Variants in PGS1 observed in about 807,000 individuals in gnomAD.
PGS1 encodes the protein phosphatidylglycerophosphate synthase 1.
PGS1 carries 44 observed loss-of-function variants against 58.3 expected under a neutral mutation model. The ratio of observed to expected loss-of-function variants is 0.75; its 90% CI spans 0.59 to 0.97. The LOEUF is 0.97. Ranked by LOEUF, PGS1 falls within the 50% of genes least tolerant of loss-of-function variation. The probability of loss-of-function intolerance (pLI) is 0.00; values close to 1 mark genes in which losing one functional copy is unlikely to be tolerated. For synonymous variants in PGS1, 330 were observed against 311.0 expected (o/e 1.06, Z -0.64); for missense variants, 684 against 731.1 (o/e 0.94, Z 0.74).
At chr17:78,387,571 T>C (rs570856502) in intron 1 of PGS1, among the ~76,000 whole-genome samples, 1 of 151,188 alleles carries the variant, frequency 6.6e-6, no homozygotes, top group East Asian at 1.9e-4. Flanking sequence ...AGTGTTGGGA[T>C]TACAGGTGTG....
At chr17:78,419,228 C>T (rs947710225) in intron 8 of PGS1, among the ~76,000 whole-genome samples, 1 of 152,176 alleles carries the variant, frequency 6.6e-6, no homozygotes, top group Non-Finnish European at 1.5e-5. Context: ...CCAGGGTGGC[C>T]TCAGACTCCT....
chr17:78,379,872 T>C (rs2081914064), intron 1 of PGS1, among the ~76,000 whole-genome samples: 1 of 146,822 alleles, frequency 6.8e-6, no homozygotes, highest in Non-Finnish European at 1.5e-5. Context: ...TTTCTTTTCT[T>C]TTCTTTTTTT....
intron 7 of PGS1, among the ~76,000 whole-genome samples, chr17:78,412,034 G>A (rs753464618): frequency 1.6e-4 from 23 of 145,100 alleles, no homozygotes; most frequent in Non-Finnish European, 2.2e-4. Flanking sequence ...CCCTTCTCCC[G>A]TTGGAAACTT....
chr17:78,414,619 A>G (rs981016483), intron 7 of PGS1, among the ~76,000 whole-genome samples: 3 of 152,094 alleles, frequency 2.0e-5, no homozygotes, highest in Admixed American at 6.5e-5. Context: ...TTGGGACACA[A>G]GGCCACAGTG....
intron 8 of PGS1, among the ~76,000 whole-genome samples, chr17:78,418,356 T>C (rs1195313225): frequency 1.3e-5 from 2 of 152,188 alleles, no homozygotes; most frequent in South Asian, 2.1e-4. Flanking sequence ...ATTGTGATGA[T>C]TGGCCGCCTG....
chr17:78,381,682 C>T (rs548219992), intron 1 of PGS1, among the ~76,000 whole-genome samples: 24 of 152,266 alleles, frequency 1.6e-4, no homozygotes, highest in African/African-American at 5.8e-4. Context: ...TAGGTTTTAG[C>T]TTGTCGATCT....
In PGS1 at chr17:78,400,955, C is replaced by A; in HGVS notation, c.880+100C>A. 1 of 1,020,948 alleles carries A rather than the reference C, an allele frequency of 9.8e-7. No homozygotes were observed. The highest frequency in any genetic ancestry group is 1.4e-6 in the Non-Finnish European group (1 of 714,868). 63.2% of individuals were successfully genotyped at this position (1,020,948 alleles called of 1,614,324 possible). A position where few individuals can be genotyped will look rare whatever the true frequency, so the allele number is the denominator to read the frequency against. On this transcript the variant is annotated intron_variant, in intron 6 of 9. Transcript: ENST00000262764. This position sits in a 1 kb window ranked among gnomAD's most constrained non-coding sequence, Gnocchi z 4.4. ...GTGGTTCTGCCACAGGCATAGGGGA[C>A]TTGGGTGGCAAGGCTTCATTCTGCT...
At chr17:78,409,339 C>T (rs1003121778) in intron 7 of PGS1, among the ~76,000 whole-genome samples, 8 of 152,228 alleles carry the variant, frequency 5.3e-5, no homozygotes, top group East Asian at 1.9e-4. Flanking sequence ...GTGGCTAGGG[C>T]GGAGCAGGTG....
chr17:78,389,053 CTTTT>C (rs5822252), intron 1 of PGS1, among the ~76,000 whole-genome samples: 3 of 95,998 alleles, frequency 3.1e-5, no homozygotes, highest in African/African-American at 8.6e-5. Context: ...CCTCTTCTTC[CTTTT>C]TTTTTTTTTT....
chr17:78,403,827 A>T lies in PGS1; in HGVS notation c.1140A>T (p.Ala380=). The stretch of plus-strand genomic sequence containing the variant: ...TGTTGACTGAGGCGGAGCGCGGGGC[A>T]AAGGTCTACCTCACCACTGGCTATT... ...ETLLTEAERG[A]KVYLTTGYFN... The change falls in exon 7 of 10, where the codon GCA becomes GCT. Residue 380 remains alanine (A), a synonymous_variant. Coordinates refer to ENST00000262764, the MANE Select transcript of PGS1 (RefSeq NM_024419.5). 1 of 1,614,226 alleles carries T rather than the reference A, an allele frequency of 6.2e-7. No homozygotes were observed. Among genetic ancestry groups the T allele is most frequent in the East Asian group, 2.2e-5 (1 of 44,888 alleles).
In PGS1 at chr17:78,403,671, C is replaced by T; in HGVS notation, c.984C>T (p.Ser328=). ...QQMLHAQTFH[S]NSLLTQEDAA... Reference sequence around the variant, plus strand: ...TGCTGCATGCCCAGACCTTCCACAGCAACTCTCTTTTGACCCAGGAAGATG... The same window carrying T: ...TGCTGCATGCCCAGACCTTCCACAGTAACTCTCTTTTGACCCAGGAAGATG... Residue 328 remains serine (S), a synonymous_variant, in exon 7 of 10, where the codon AGC becomes AGT. Transcript: ENST00000262764. 6.2e-7 allele frequency: 1 copy of T among 1,614,238 alleles called. No homozygotes were observed. The highest frequency in any genetic ancestry group is 8.5e-7 in the Non-Finnish European group (1 of 1,180,044).
chr17:78,403,734 C>T lies in PGS1; in HGVS notation c.1047C>T (p.Thr349=), dbSNP rs2083883128. ...GGGATCGCAGACCAGCCCCTGACAC[C>T]TGGATTTATCCGCTGATTCAGATGA... ...AAGDRRPAPD[T]WIYPLIQMKP... The change falls in exon 7 of 10, where the codon ACC becomes ACT. Residue 349 remains threonine, a synonymous_variant. Transcript: ENST00000262764. 2 of 1,614,224 alleles carry T rather than the reference C, an allele frequency of 1.2e-6. No homozygotes were observed. The highest frequency in any genetic ancestry group is 2.2e-5 in the East Asian group (1 of 44,886).
chr17:78,414,628 T>C (rs140246135), intron 7 of PGS1, among the ~76,000 whole-genome samples: 25 of 151,920 alleles, frequency 1.6e-4, no homozygotes, highest in South Asian at 1.2e-3. Flanking sequence ...AAGGCCACAG[T>C]GTGAATGGTG....
intron 7 of PGS1, among the ~76,000 whole-genome samples, chr17:78,407,951 G>A (rs1270381063): frequency 1.3e-5 from 2 of 152,218 alleles, no homozygotes. Flanking sequence ...TATTCTTAAG[G>A]GTTTTCTGTG....
At chr17:78,384,040 T>C (rs1400030066) in intron 1 of PGS1, among the ~76,000 whole-genome samples, 1 of 152,224 alleles carries the variant, frequency 6.6e-6, no homozygotes, top group African/African-American at 2.4e-5. Flanking sequence ...ATGCGATTGG[T>C]TCTCGTCAGG....
rs377492068 is a variant in PGS1, at chr17:78,398,337, C to A, written c.497C>A (p.Thr166Lys). The change falls in exon 4 of 10, where the codon ACG becomes AAG. Residue 166 changes from threonine to lysine, a missense_variant. Thr to Lys is a moderately conservative substitution (Grantham distance 78, BLOSUM62 -1). Transcript: ENST00000262764. ...AAGGTCTCCATTCTCTTAGACTTCACGCGGGGCTCACGAGGTAGGTGGCAT... is the reference window on the plus strand; with the variant it reads ...AAGGTCTCCATTCTCTTAGACTTCAAGCGGGGCTCACGAGGTAGGTGGCAT... The part of the protein sequence containing the change: ...NLKVSILLDF[T>K]RGSRGRKNSR... 1.4e-4 allele frequency: 222 copies of A among 1,612,948 alleles called. No individual in the cohort carries two copies. The highest frequency in any genetic ancestry group is 1.8e-4 in the Non-Finnish European group (210 of 1,179,126).
At chr17:78,406,984 C>A (rs375768934) in intron 7 of PGS1, among the ~76,000 whole-genome samples, 78 of 152,312 alleles carry the variant, frequency 5.1e-4, no homozygotes, top group South Asian at 3.7e-3. Context: ...ACAGAAACAC[C>A]CAACCTGCTT....
rs751549914 is a variant in PGS1 at position 78,399,523 on chromosome 17, C to T, written c.687C>T (p.Ser229=). Residue 229 remains serine, a synonymous_variant, in exon 5 of 10, where the codon AGC becomes AGT. Transcript: ENST00000262764. ...TTAAGGTGTACCTCTTCGACAACAGCGTCATCTTGAGCGGGTGAGTGCTTC... is the reference window on the plus strand; with the variant it reads ...TTAAGGTGTACCTCTTCGACAACAGTGTCATCTTGAGCGGGTGAGTGCTTC... ...QHIKVYLFDN[S]VILSGANLSD... is the part of the protein sequence containing the mutation. 1.1e-5 allele frequency: 18 copies of T among 1,614,052 alleles called. No individual in the cohort carries two copies. In the Admixed American group the frequency reaches 2.2e-4, roughly 19 times the overall value.
At position 78,424,309 on chromosome 17, in the gene PGS1, T is replaced by G. The variant is rs1325180099; in HGVS notation, c.*259T>G. ...GCTGCCACGGCTGGAAGCAGAGGCC[T>G]TCGTAGGTGATGGCCTGCATGTTGT... On this transcript the variant is annotated 3_prime_UTR_variant, in exon 10 of 10. Transcript: ENST00000262764. 2.8e-5 allele frequency: 25 copies of G among 899,974 alleles called. No individual in the cohort carries two copies. The highest frequency in any genetic ancestry group is 3.6e-5 in the Non-Finnish European group (22 of 613,156). The allele number at this position is 899,974 out of a possible 1,614,324, so 55.7% of individuals were successfully genotyped here. A position where few individuals can be genotyped will look rare whatever the true frequency, so the allele number is the denominator to read the frequency against.
Sources: allele counts gnomAD v4.1 joint callset (sites outside exome capture counted in the v4.1 genomes callset), GRCh38; gene constraint gnomAD v4.1.1; non-coding constraint Gnocchi (gnomAD v3.1); transcripts MANE v1.5; gene names NCBI Gene and HGNC (gene_info 2026-07-23, HGNC 2026-07-21).